ARHGAP15: variants seen among roughly 807,000 people sequenced by gnomAD.
ARHGAP15 encodes rho GTPase-activating protein 15.
A neutral mutation model predicts 63.7 loss-of-function variants in ARHGAP15; 51 were observed. The ratio of observed to expected loss-of-function variants is 0.80; its 90% CI spans 0.64 to 1.01. The LOEUF (loss-of-function observed/expected upper bound fraction) is 1.01. Among genes scored for constraint, ARHGAP15 ranks in the 50% least tolerant of loss-of-function variants. ARHGAP15 has a pLI of 0.00. For missense variants in ARHGAP15, 560 were observed against 564.6 expected, an observed-to-expected ratio of 0.99 and a Z score of 0.08; for synonymous variants, 191 against 193.8, an observed-to-expected ratio of 0.99 and a Z score of 0.12.
intron 8 of ARHGAP15, among the ~76,000 whole-genome samples, chr2:143,467,015 A>G (rs1240372405): frequency 1.3e-5 from 2 of 152,080 alleles, no homozygotes; most frequent in Non-Finnish European, 2.9e-5. Flanking sequence ...TAAAGGAAAA[A>G]CGTCTTTAAT....
At chr2:143,301,752 ATATG>A (rs948545431) in intron 6 of ARHGAP15, among the ~76,000 whole-genome samples, 8 of 151,790 alleles carry the variant, frequency 5.3e-5, no homozygotes, top group African/African-American at 1.4e-4. Context: ...ACATCTGTCC[ATATG>A]TATGTATAAT....
chr2:143,271,775 C>T (rs539950992), intron 6 of ARHGAP15, among the ~76,000 whole-genome samples: 52 of 152,312 alleles, frequency 3.4e-4, no homozygotes, highest in Non-Finnish European at 5.9e-4. Context: ...CGTGCCCGGC[C>T]GTTTCTTACA....
intron 1 of ARHGAP15, among the ~76,000 whole-genome samples, chr2:143,149,624 C>T (rs1205647559): frequency 3.3e-5 from 5 of 151,956 alleles, no homozygotes; most frequent in Non-Finnish European, 5.9e-5. Flanking sequence ...TCCAAGCATA[C>T]TTTAATATTA....
chr2:143,323,423 A>C (rs909459195), intron 6 of ARHGAP15, among the ~76,000 whole-genome samples: 1 of 152,192 alleles, frequency 6.6e-6, no homozygotes. Flanking sequence ...TAAGAAGTCT[A>C]TGAATGTGGG....
intron 2 of ARHGAP15, among the ~76,000 whole-genome samples, chr2:143,191,310 A>C (rs1691677964): frequency 6.6e-6 from 1 of 152,232 alleles, no homozygotes; most frequent in Non-Finnish European, 1.5e-5. Context: ...ATGGAAGTCC[A>C]CCTGGAAAAG....
At chr2:143,213,494 C>T (rs1558817784) in intron 3 of ARHGAP15, among the ~76,000 whole-genome samples, 1 of 152,036 alleles carries the variant, frequency 6.6e-6, no homozygotes, top group Non-Finnish European at 1.5e-5. Flanking sequence ...GCCCACGCAA[C>T]AAAAGCAAAA....
chr2:143,593,329 G>A (rs188744088), intron 11 of ARHGAP15: 1 of 152,128 alleles, frequency 6.6e-6, no homozygotes, highest in East Asian at 1.9e-4. Flanking sequence ...CTATCACCCA[G>A]GAATCATAAT....
At chr2:143,627,804 T>G (rs1698895665) in intron 12 of ARHGAP15, among the ~76,000 whole-genome samples, 1 of 152,136 alleles carries the variant, frequency 6.6e-6, no homozygotes, top group South Asian at 2.1e-4. Flanking sequence ...AGCTATATTT[T>G]GCAGATGCTG....
At chr2:143,504,113 G>A (rs988744365) in intron 9 of ARHGAP15, among the ~76,000 whole-genome samples, 6 of 152,156 alleles carry the variant, frequency 3.9e-5, no homozygotes, top group South Asian at 2.1e-4. Context: ...GTACACAATC[G>A]TAGGAAAGTC....
At chr2:143,461,281 C>CAAAAAAAAAAAAAAAAAAAAAAAAAA in intron 8 of ARHGAP15, among the ~76,000 whole-genome samples, 1 of 55,054 alleles carries the variant, frequency 1.8e-5, no homozygotes, top group Non-Finnish European at 3.0e-5. Flanking sequence ...CTCTGTCTCT[C>CAAAAAAAAAAAAAAAAAAAAAAAAAA]AAAAAAAAAA....
chr2:143,140,143 A>T (rs1303772693), intron 1 of ARHGAP15, among the ~76,000 whole-genome samples: 1 of 152,032 alleles, frequency 6.6e-6, no homozygotes, highest in East Asian at 1.9e-4. Flanking sequence ...GGTTTATTTC[A>T]ATTCTAAGTA....
intron 2 of ARHGAP15, among the ~76,000 whole-genome samples, chr2:143,188,060 T>C (rs570271240): frequency 6.6e-6 from 1 of 152,272 alleles, no homozygotes; most frequent in South Asian, 2.1e-4. Flanking sequence ...TTGTTGTTTC[T>C]TTTTTGTATT....
intron 12 of ARHGAP15, among the ~76,000 whole-genome samples, chr2:143,625,522 T>C (rs1287396354): frequency 6.6e-6 from 1 of 152,178 alleles, no homozygotes; most frequent in Non-Finnish European, 1.5e-5. Flanking sequence ...ACTCTAAAGA[T>C]GGGTTTTGAG....
intron 8 of ARHGAP15, among the ~76,000 whole-genome samples, chr2:143,469,126 T>C (rs1691392466): frequency 6.6e-6 from 1 of 152,162 alleles, no homozygotes; most frequent in Non-Finnish European, 1.5e-5. Context: ...AGAAGCTTTA[T>C]AACTGTCTCA....
intron 12 of ARHGAP15, among the ~76,000 whole-genome samples, chr2:143,647,142 G>T (rs568946795): frequency 1.4e-4 from 21 of 152,038 alleles, no homozygotes; most frequent in East Asian, 1.4e-3. Flanking sequence ...ATAGAAATGT[G>T]CCTATCATGT....
At chr2:143,751,297 T>A (rs1574927209) in intron 13 of ARHGAP15, among the ~76,000 whole-genome samples, 1 of 151,950 alleles carries the variant, frequency 6.6e-6, no homozygotes, top group East Asian at 1.9e-4. Context: ...TCTCCAAGAG[T>A]CCCCTGGGGT....
At chr2:143,267,025 G>C (rs1351857812) in intron 6 of ARHGAP15, among the ~76,000 whole-genome samples, 1 of 152,134 alleles carries the variant, frequency 6.6e-6, no homozygotes, top group Non-Finnish European at 1.5e-5. Flanking sequence ...GCTCTTACCT[G>C]AAAGTGGCAT....
At chr2:143,401,275 T>C (rs1156988768) in intron 6 of ARHGAP15, among the ~76,000 whole-genome samples, 2 of 151,958 alleles carry the variant, frequency 1.3e-5, no homozygotes, top group Non-Finnish European at 2.9e-5. Context: ...CTATCATAAA[T>C]AGATAGAAAA....
At chr2:143,542,273 G>A (rs1695100689) in intron 10 of ARHGAP15, among the ~76,000 whole-genome samples, 1 of 152,142 alleles carries the variant, frequency 6.6e-6, no homozygotes, top group East Asian at 1.9e-4. Flanking sequence ...GGTGCCATCT[G>A]TCACCCCTTT....
Sources: allele counts gnomAD v4.1 joint callset (sites outside exome capture counted in the v4.1 genomes callset), GRCh38; gene constraint gnomAD v4.1.1; transcripts MANE v1.5; gene names NCBI Gene and HGNC (gene_info 2026-07-23, HGNC 2026-07-21).